RYR3: variants seen among roughly 807,000 people sequenced by gnomAD.
RYR3 encodes the protein brain ryanodine receptor-calcium release channel.
A neutral mutation model predicts 584.3 loss-of-function variants in RYR3; 207 were observed. The ratio of observed to expected loss-of-function variants is 0.35; its 90% CI spans 0.32 to 0.40. RYR3 has a LOEUF of 0.40. RYR3 is among the 10% of genes least tolerant of loss of function. The probability of loss-of-function intolerance (pLI) is 1.00; values close to 1 mark genes in which losing one functional copy is unlikely to be tolerated. For missense variants in RYR3, 5,616 were observed against 6,089.2 expected (o/e 0.92, Z 2.59); for synonymous variants, 2,416 against 2,248.5 (o/e 1.07, Z -2.11).
At chr15:33,841,454 A>G (rs1596954814) in intron 90 of RYR3, among the ~76,000 whole-genome samples, 1 of 152,192 alleles carries the variant, frequency 6.6e-6, no homozygotes, top group African/African-American at 2.4e-5. Context: ...GCAACTTCAT[A>G]TATTGATGAC....
At chr15:33,841,796 C>A in intron 90 of RYR3, 68 bp from the exon 91 acceptor site, 1 of 1,480,082 alleles carries the variant, frequency 6.8e-7, no homozygotes, top group South Asian at 1.3e-5. Context: ...TCTCTTTAAT[C>A]TAGTCTCCCT....
In RYR3 at chr15:33,631,308, T is replaced by C; in HGVS notation, c.2867+15T>C. 6.6e-7 allele frequency: 1 copy of C among 1,524,848 alleles called. No individual in the cohort carries two copies. Among genetic ancestry groups the C allele is most frequent in the Non-Finnish European group, 8.9e-7 (1 of 1,119,070 alleles). 94.5% of individuals were successfully genotyped at this position (1,524,848 alleles called of 1,614,324 possible). A position where few individuals can be genotyped will look rare whatever the true frequency, so the allele number is the denominator to read the frequency against. On this transcript the variant is annotated intron_variant, in intron 23 of 103. Transcript: ENST00000634891. Reference sequence around the variant, plus strand: ...CTGCCCAAAAAGTAGGTGATTTTTTTTTTAATGGTTCAAGACTTTAATGCT... The same window carrying C: ...CTGCCCAAAAAGTAGGTGATTTTTTCTTTAATGGTTCAAGACTTTAATGCT...
intron 3 of RYR3, among the ~76,000 whole-genome samples, chr15:33,506,787 T>G (rs919052805): frequency 2.0e-5 from 3 of 152,230 alleles, no homozygotes; most frequent in Non-Finnish European, 4.4e-5. Flanking sequence ...CTCTGGAGTC[T>G]GATTATTTTG....
chr15:33,486,207 A>G (rs538184900), intron 2 of RYR3, among the ~76,000 whole-genome samples: 1 of 152,238 alleles, frequency 6.6e-6, no homozygotes, highest in Non-Finnish European at 1.5e-5. Context: ...GCTGAAAACA[A>G]CAAATTATTC....
intron 1 of RYR3, among the ~76,000 whole-genome samples, chr15:33,399,338 T>C (rs2042489023): frequency 1.3e-5 from 2 of 152,106 alleles, no homozygotes; most frequent in African/African-American, 4.8e-5. Flanking sequence ...TTCTCCTAAA[T>C]TAAAAAAGTG....
chr15:33,393,674 A>G (rs1040976166), intron 1 of RYR3, among the ~76,000 whole-genome samples: 2 of 152,164 alleles, frequency 1.3e-5, no homozygotes, highest in Non-Finnish European at 2.9e-5. Context: ...TCCACTGTGT[A>G]TTTTAGGCTT....
chr15:33,602,611 C>A (rs967175081), intron 17 of RYR3, among the ~76,000 whole-genome samples: 6 of 151,932 alleles, frequency 3.9e-5, no homozygotes, highest in African/African-American at 1.5e-4. Flanking sequence ...ACTCAGTAAA[C>A]GTTGGTTGCC....
chr15:33,546,522 G>A (rs975484550), intron 8 of RYR3, among the ~76,000 whole-genome samples: 2 of 152,136 alleles, frequency 1.3e-5, no homozygotes, highest in Non-Finnish European at 2.9e-5. Flanking sequence ...CCACCTTCCA[G>A]AGGTAACCAT....
intron 1 of RYR3, among the ~76,000 whole-genome samples, chr15:33,461,383 A>T (rs1341308735): frequency 6.6e-6 from 1 of 152,182 alleles, no homozygotes; most frequent in Non-Finnish European, 1.5e-5. Flanking sequence ...TCTCTTCACG[A>T]GGCAATGTCT....
At chr15:33,666,249 C>T (rs778934128) in intron 36 of RYR3, among the ~76,000 whole-genome samples, 7 of 152,186 alleles carry the variant, frequency 4.6e-5, no homozygotes, top group Non-Finnish European at 7.3e-5. Flanking sequence ...CAAGCTCCAC[C>T]TGCCTCAGCT....
chr15:33,746,682 A>G (rs2070747074), intron 53 of RYR3, among the ~76,000 whole-genome samples: 1 of 151,954 alleles, frequency 6.6e-6, no homozygotes, highest in Non-Finnish European at 1.5e-5. Context: ...TGAAACCGGG[A>G]GGCAGAGGTT....
chr15:33,557,960 A>G (rs1398733703), intron 10 of RYR3, among the ~76,000 whole-genome samples: 1 of 152,194 alleles, frequency 6.6e-6, no homozygotes, highest in South Asian at 2.1e-4. Flanking sequence ...AACATAAACA[A>G]GGTTGATGCA....
intron 2 of RYR3, among the ~76,000 whole-genome samples, chr15:33,502,459 T>G (rs2052077833): frequency 6.6e-6 from 1 of 152,170 alleles, no homozygotes; most frequent in Non-Finnish European, 1.5e-5. Context: ...CTCATTCCTG[T>G]TGTTCTCATG....
At chr15:33,391,444 G>A (rs898651380) in intron 1 of RYR3, among the ~76,000 whole-genome samples, 1 of 151,886 alleles carries the variant, frequency 6.6e-6, no homozygotes, top group South Asian at 2.1e-4. Flanking sequence ...TGGCTAACAC[G>A]GTGAAACCCC....
At chr15:33,581,387 G>A (rs558148338) in intron 13 of RYR3, 121 bp from the exon 14 acceptor site, 2 of 985,320 alleles carry the variant, frequency 2.0e-6, no homozygotes, top group Middle Eastern at 2.2e-4. Context: ...CACCATGAAG[G>A]TCTATTTGCA....
At chr15:33,560,315 G>A (rs1298303162) in intron 10 of RYR3, among the ~76,000 whole-genome samples, 1 of 152,132 alleles carries the variant, frequency 6.6e-6, no homozygotes, top group Non-Finnish European at 1.5e-5. Context: ...TATTACATTA[G>A]AAGTGCCCAC....
At chr15:33,479,031 A>C (rs995940339) in intron 2 of RYR3, among the ~76,000 whole-genome samples, 1 of 152,182 alleles carries the variant, frequency 6.6e-6, no homozygotes, top group Non-Finnish European at 1.5e-5. Flanking sequence ...GGCTTGTTCA[A>C]ACTGAAAAAT....
At chr15:33,784,413 C>T (rs1399895043) in intron 65 of RYR3, among the ~76,000 whole-genome samples, 2 of 152,230 alleles carry the variant, frequency 1.3e-5, no homozygotes, top group Admixed American at 6.5e-5. Flanking sequence ...CAGGCATAAC[C>T]CAATTCACTA....
intron 1 of RYR3, among the ~76,000 whole-genome samples, chr15:33,437,155 T>A (rs112483819): frequency 1.4e-5 from 2 of 138,306 alleles, no homozygotes; most frequent in African/African-American, 5.5e-5. Flanking sequence ...TGTGTGTGTG[T>A]GAAAATTCAA....
Sources: allele counts gnomAD v4.1 joint callset (sites outside exome capture counted in the v4.1 genomes callset), GRCh38; gene constraint gnomAD v4.1.1; transcripts MANE v1.5; gene names NCBI Gene and HGNC (gene_info 2026-07-23, HGNC 2026-07-21).